Variants in GPD2 observed in about 807,000 individuals in gnomAD.
GPD2 encodes the protein glycerol-3-phosphate dehydrogenase, mitochondrial.
GPD2 carries 54 observed loss-of-function variants against 82.4 expected under a neutral mutation model. The observed-to-expected ratio is 0.66, with a 90% CI of 0.53 to 0.82. The LOEUF (loss-of-function observed/expected upper bound fraction) is 0.82. GPD2 is among the 40% of genes least tolerant of loss of function. The probability of loss-of-function intolerance (pLI) is 0.00; values close to 1 mark genes in which losing one functional copy is unlikely to be tolerated. For synonymous variants in GPD2, 288 were observed against 306.1 expected, an observed-to-expected ratio of 0.94 and a Z score of 0.62; for missense variants, 748 against 896.2, an observed-to-expected ratio of 0.83 and a Z score of 2.11.
At chr2:156,499,618 A>G (rs1173958958) in intron 3 of GPD2, among the ~76,000 whole-genome samples, 1 of 152,102 alleles carries the variant, frequency 6.6e-6, no homozygotes, top group Non-Finnish European at 1.5e-5. Flanking sequence ...AAAAAAATAG[A>G]CAAGATTGTA....
At chr2:156,511,063 T>C (rs1684980761) in intron 4 of GPD2, 143 bp downstream of exon 4, 2 of 793,854 alleles carry the variant, frequency 2.5e-6, no homozygotes, top group Non-Finnish European at 4.4e-6. Context: ...CTGGAATATC[T>C]TTCAGGAGAG....
At chr2:156,472,194 T>C (rs1272604394) in intron 1 of GPD2, among the ~76,000 whole-genome samples, 1 of 152,176 alleles carries the variant, frequency 6.6e-6, no homozygotes, top group African/African-American at 2.4e-5. Context: ...AAATAATCTT[T>C]TTTTTTTGTT....
At chr2:156,539,552 G>A (rs561493375) in intron 6 of GPD2, among the ~76,000 whole-genome samples, 1 of 152,262 alleles carries the variant, frequency 6.6e-6, no homozygotes, top group East Asian at 1.9e-4. Flanking sequence ...ATCTGATAAG[G>A]TACAAGACTT....
chr2:156,576,146 CTG>C (rs1412382272), intron 13 of GPD2, among the ~76,000 whole-genome samples: 9 of 152,182 alleles, frequency 5.9e-5, no homozygotes, highest in Admixed American at 5.2e-4. Flanking sequence ...TTTTAGTTAA[CTG>C]TGAATGCATA....
intron 8 of GPD2, among the ~76,000 whole-genome samples, chr2:156,557,156 G>T (rs1426297181): frequency 6.6e-6 from 1 of 152,078 alleles, no homozygotes; most frequent in Admixed American, 6.6e-5. Context: ...GGAGGGAAGG[G>T]GTAGCTCTGC....
At chr2:156,497,463 A>G (rs953820843) in intron 3 of GPD2, among the ~76,000 whole-genome samples, 3 of 152,136 alleles carry the variant, frequency 2.0e-5, no homozygotes, top group Non-Finnish European at 2.9e-5. Context: ...TTGACTGTGG[A>G]ATATTTTGGT....
intron 16 of GPD2, 98 bp from the exon 17 acceptor site, chr2:156,582,695 A>G (rs1688070142): frequency 2.3e-6 from 3 of 1,318,206 alleles, no homozygotes; most frequent in Admixed American, 1.7e-5. Flanking sequence ...TGGAGCACTT[A>G]ATTACCTCTG....
chr2:156,431,260 C>T (rs1313670063), upstream of GPD2, among the ~76,000 whole-genome samples: 1 of 152,172 alleles, frequency 6.6e-6, no homozygotes, highest in South Asian at 2.1e-4. Context: ...ACTTAAGACT[C>T]TCACTTCCCT....
chr2:156,576,284 G>T (rs979772544), intron 13 of GPD2, among the ~76,000 whole-genome samples: 3 of 152,174 alleles, frequency 2.0e-5, no homozygotes, highest in Admixed American at 1.3e-4. Flanking sequence ...CCAGATCTCT[G>T]TTGCAGTGTT....
At position 156,583,475 on chromosome 2, in the gene GPD2, A is replaced by G. The variant is rs141929739; in HGVS notation, c.*557A>G. On this transcript the variant is annotated 3_prime_UTR_variant, in exon 17 of 17. Transcript: ENST00000438166. ...CTTGTCTACCTTCCTCATGCAAACAATATTCCACATTTTTATATCTAGAGC... is the reference window on the plus strand; with the variant it reads ...CTTGTCTACCTTCCTCATGCAAACAGTATTCCACATTTTTATATCTAGAGC... 1.4e-4 allele frequency: 23 copies of G among 166,020 alleles called. No individual in the cohort carries two copies. The highest frequency in any genetic ancestry group is 8.2e-4 in the East Asian group (5 of 6,066). The allele number at this position is 166,020 out of a possible 1,614,324, so 10.3% of individuals were successfully genotyped here. A position where few individuals can be genotyped will look rare whatever the true frequency, so the allele number is the denominator to read the frequency against.
chr2:156,558,023 A>G (rs918434747), intron 9 of GPD2, among the ~76,000 whole-genome samples: 1 of 152,232 alleles, frequency 6.6e-6, no homozygotes, highest in Non-Finnish European at 1.5e-5. Context: ...CATGGAAAGT[A>G]TAATGTTGAC....
chr2:156,489,779 C>G (rs1368991179), intron 2 of GPD2, among the ~76,000 whole-genome samples: 1 of 40,494 alleles, frequency 2.5e-5, no homozygotes, highest in Admixed American at 2.9e-4. Flanking sequence ...CTTCCCTCCT[C>G]TCCCCTCCGC....
At chr2:156,441,774 G>A (rs746797053) in intron 1 of GPD2, among the ~76,000 whole-genome samples, 26 of 152,138 alleles carry the variant, frequency 1.7e-4, no homozygotes, top group Non-Finnish European at 5.9e-5. Flanking sequence ...CAAACTCTGG[G>A]CAGTTAGTGT....
the GPD2 span, among the ~76,000 whole-genome samples, chr2:156,419,001 G>T: frequency 1.4e-5 from 2 of 144,980 alleles, no homozygotes; most frequent in African/African-American, 5.1e-5. Flanking sequence ...GGCTTCTTCA[G>T]TTCAGCATGT....
At chr2:156,452,643 G>A (rs1407107219) in intron 1 of GPD2, among the ~76,000 whole-genome samples, 2 of 152,232 alleles carry the variant, frequency 1.3e-5, no homozygotes, top group Non-Finnish European at 2.9e-5. Flanking sequence ...TCTTGGAAGA[G>A]GATATTGGTC....
intron 9 of GPD2, among the ~76,000 whole-genome samples, chr2:156,566,909 T>C (rs541151220): frequency 1.6e-4 from 25 of 152,246 alleles, no homozygotes; most frequent in African/African-American, 5.5e-4. Context: ...ATATCCATTT[T>C]AATGGGTGTG....
intron 3 of GPD2, among the ~76,000 whole-genome samples, chr2:156,504,780 A>T (rs1684724253): frequency 1.3e-5 from 2 of 151,984 alleles, no homozygotes; most frequent in Non-Finnish European, 2.9e-5. Flanking sequence ...TGACATGGGT[A>T]AGTGTTTACA....
chr2:156,492,172 T>G (rs1684204036), intron 2 of GPD2, among the ~76,000 whole-genome samples: 3 of 103,934 alleles, frequency 2.9e-5, no homozygotes, highest in Admixed American at 1.0e-4. Flanking sequence ...TTTTTTTTTT[T>G]GAGACAGAAT....
At chr2:156,492,857 C>G (rs1381464656) in intron 2 of GPD2, among the ~76,000 whole-genome samples, 2 of 152,020 alleles carry the variant, frequency 1.3e-5, no homozygotes, top group Non-Finnish European at 2.9e-5. Context: ...ATAATGACAC[C>G]CTTACTGAGA....
Sources: allele counts gnomAD v4.1 joint callset (sites outside exome capture counted in the v4.1 genomes callset), GRCh38; gene constraint gnomAD v4.1.1; transcripts MANE v1.5; gene names NCBI Gene and HGNC (gene_info 2026-07-23, HGNC 2026-07-21).